The following SMIM24 variants were observed in gnomAD, a reference collection of about 807,000 sequenced individuals.
SMIM24 encodes small integral membrane protein 24.
A neutral mutation model predicts 10.8 loss-of-function variants in SMIM24; 6 were observed. That is an observed-to-expected ratio of 0.55 (90% CI 0.30 to 1.09). The LOEUF (loss-of-function observed/expected upper bound fraction) is 1.09. SMIM24 is among the 50% of genes least tolerant of loss of function. The pLI is 0.06. For synonymous variants in SMIM24, 71 were observed against 62.4 expected (o/e 1.14, Z -0.65); for missense variants, 151 against 153.4 (o/e 0.98, Z 0.08).
At chr19:3,479,105 A>T in intron 1 of SMIM24, 176 bp from the exon 2 acceptor site, 4 of 297,374 alleles carry the variant, frequency 1.3e-5, no homozygotes, top group Non-Finnish European at 2.4e-5. Flanking sequence ...GAGGGTTTAG[A>T]GAGGGGGAGG....
At chr19:3,478,568 G>C in intron 2 of SMIM24, 90 bp from the exon 3 acceptor site, 3 of 1,233,926 alleles carry the variant, frequency 2.4e-6, no homozygotes, top group Non-Finnish European at 2.2e-6. Flanking sequence ...CTCAGCCTCT[G>C]TCCCAACCTC....
intron 2 of SMIM24, 33 bp from the exon 3 acceptor site, chr19:3,478,511 G>A (rs1024118886): frequency 1.6e-5 from 24 of 1,526,942 alleles, no homozygotes; most frequent in African/African-American, 2.8e-5. Context: ...GGAAGGGGGC[G>A]GGAGAGGAGA....
At chr19:3,478,528 G>T in intron 2 of SMIM24, 50 bp from the exon 3 acceptor site, 1 of 1,480,468 alleles carries the variant, frequency 6.8e-7, no homozygotes. Context: ...GAGAAAGGGG[G>T]CGGTAAAGGG....
Position 3,478,401 on chromosome 19 carries a change from C to G in SMIM24, c.239+18G>C. On this transcript the variant is annotated intron_variant, in intron 3 of 3. Transcript: ENST00000215531. Reference sequence around the variant, plus strand: ...AGGAGGGGTTCACACAGACCCCCAGCATCCGCACGCATAGTACCTCTGGTC... The same window carrying G: ...AGGAGGGGTTCACACAGACCCCCAGGATCCGCACGCATAGTACCTCTGGTC... 1 of 1,546,276 alleles carries G rather than the reference C, an allele frequency of 6.5e-7. No individual in the cohort carries two copies. The highest frequency in any genetic ancestry group is 8.7e-7 in the Non-Finnish European group (1 of 1,144,930).
At chr19:3,480,330 G>A (rs1017467420) in intron 1 of SMIM24, 67 bp downstream of exon 1, 92 of 1,347,462 alleles carry the variant, frequency 6.8e-5, no homozygotes, top group Non-Finnish European at 8.7e-5. Flanking sequence ...ATGGAAAATT[G>A]GGAGATGGTG....
intron 1 of SMIM24, among the ~76,000 whole-genome samples, chr19:3,480,118 G>A (rs2082811950): frequency 6.6e-6 from 1 of 151,626 alleles, no homozygotes; most frequent in South Asian, 2.1e-4. Context: ...CGAGCTCAGA[G>A]TGGGGCCGAG....
At chr19:3,478,332 T>A in intron 3 of SMIM24, 87 bp downstream of exon 3, 2 of 1,276,330 alleles carry the variant, frequency 1.6e-6, no homozygotes, top group Non-Finnish European at 2.2e-6. Context: ...TTTGAAGGAT[T>A]CAGGACAGCA....
intron 3 of SMIM24, among the ~76,000 whole-genome samples, chr19:3,478,214 T>A (rs2082801442): frequency 6.6e-6 from 1 of 152,082 alleles, no homozygotes; most frequent in Non-Finnish European, 1.5e-5. Context: ...CTGGGGACAG[T>A]GTCAGGAAGG....
chr19:3,479,080 G>T (rs1301593913), intron 1 of SMIM24, 151 bp from the exon 2 acceptor site: 2 of 613,730 alleles, frequency 3.3e-6, no homozygotes, highest in African/African-American at 1.9e-5. Flanking sequence ...GACCTGGATG[G>T]CGTAGGGGGG....
Position 3,474,863 on chromosome 19 carries a change from C to G in SMIM24, c.373G>C (p.Ala125Pro), listed in dbSNP as rs1166940031. 1.2e-5 allele frequency: 19 copies of G among 1,551,360 alleles called. No individual in the cohort carries two copies. The East Asian group carries it at 3.9e-4, about 32-fold the overall frequency. ...AATCTTCACATGACTGTGCTCTTTG[C>G]TCTCTCATGGTCTCCGGGCTCTTTT... ...EEKEPGDHER[A>P]KSTVM Residue 125 changes from alanine (A) to proline (P), a missense_variant, in exon 4 of 4, where the codon GCA becomes CCA. By Grantham distance (27) the Ala-to-Pro change is conservative. Transcript: ENST00000215531.
chr19:3,477,043 G>C (rs985842879), intron 3 of SMIM24, among the ~76,000 whole-genome samples: 6 of 140,272 alleles, frequency 4.3e-5, no homozygotes, highest in Non-Finnish European at 7.7e-5. Flanking sequence ...GTGGGTGGAT[G>C]GATTGGTGAA....
rs2082786487 is a variant in SMIM24, at chr19:3,474,894, C to G, written c.342G>C (p.Leu114=). 5 of 1,551,548 alleles carry G rather than the reference C, an allele frequency of 3.2e-6. No homozygotes were observed. The highest frequency in any genetic ancestry group is 4.4e-6 in the Non-Finnish European group (5 of 1,147,014). ...KEGESNLGLD[L]EEKEPGDHER... is the part of the protein sequence containing the mutation. ...CATGGTCTCCGGGCTCTTTTTCCTC[C>G]AGATCCAGTCCCAAGTTGCTCTCTC... The change falls in exon 4 of 4, where the codon CTG becomes CTC. Residue 114 remains leucine, a synonymous_variant. Transcript: ENST00000215531.
At chr19:3,476,490 G>A (rs2082792568) in intron 3 of SMIM24, among the ~76,000 whole-genome samples, 1 of 152,038 alleles carries the variant, frequency 6.6e-6, no homozygotes, top group Admixed American at 6.6e-5. Context: ...ATGGAGGATT[G>A]AACAAGGCAG....
chr19:3,474,985 C>G lies in SMIM24; in HGVS notation c.251G>C (p.Arg84Thr). Residue 84 changes from arginine to threonine, a missense_variant, in exon 4 of 4, where the codon AGA (arginine) becomes ACA (threonine). Physicochemically the swap from Arg to Thr is moderately conservative, Grantham distance 71. Transcript: ENST00000215531. ...TTTCTCCTTGGCCTCTTTCTTCTCT[C>G]TCTTGTCTTCACTGTAGGGATACAA... ...NLYQDQSEDK[R>T]EKKEAKEKEE... is the part of the protein sequence containing the mutation. 6.4e-7 allele frequency: 1 copy of G among 1,551,386 alleles called. No homozygotes were observed. Among genetic ancestry groups the G allele is most frequent in the Non-Finnish European group, 8.7e-7 (1 of 1,146,964 alleles).
intron 2 of SMIM24, 59 bp from the exon 3 acceptor site, chr19:3,478,537 G>A: frequency 7.0e-7 from 1 of 1,438,630 alleles, no homozygotes; most frequent in South Asian, 1.3e-5. Context: ...GGCGGTAAAG[G>A]GAAGGAAGCG....
At chr19:3,476,938 G>A (rs1015129454) in intron 3 of SMIM24, among the ~76,000 whole-genome samples, 2 of 151,212 alleles carry the variant, frequency 1.3e-5, no homozygotes, top group South Asian at 4.2e-4. Context: ...TGAATAGATG[G>A]GTGGGTGGAT....
intron 1 of SMIM24, among the ~76,000 whole-genome samples, chr19:3,479,673 A>T (rs2082809236): frequency 7.8e-6 from 1 of 127,960 alleles, no homozygotes; most frequent in Non-Finnish European, 1.6e-5. Flanking sequence ...GGAGGGGCTT[A>T]CAGAGGAGGA....
rs773984461 is a variant in SMIM24 at position 3,478,960 on chromosome 19, G to A, written c.68-31C>T. Reference sequence around the variant, plus strand: ...GGAAGTTGGGGAGGTTCGACTCAGAGGAAGAAAAGGTCAGAAGACCCCCTT... The same window carrying A: ...GGAAGTTGGGGAGGTTCGACTCAGAAGAAGAAAAGGTCAGAAGACCCCCTT... On this transcript the variant is annotated intron_variant, in intron 1 of 3. Transcript: ENST00000215531. The A allele has an allele frequency of 2.6e-5, 39 of 1,524,616 alleles. No homozygotes were observed. The African/African-American group carries it at 5.2e-4, about 21-fold the overall frequency. 94.4% of individuals were successfully genotyped at this position (1,524,616 alleles called of 1,614,324 possible). A position where few individuals can be genotyped will look rare whatever the true frequency, so the allele number is the denominator to read the frequency against.
At chr19:3,479,411 G>A (rs1318075112) in intron 1 of SMIM24, among the ~76,000 whole-genome samples, 1 of 148,650 alleles carries the variant, frequency 6.7e-6, no homozygotes, top group Non-Finnish European at 1.5e-5. Flanking sequence ...AGAGTCTGGG[G>A]GGTTGGGGCT....
Sources: gnomAD v4.1 joint callset for allele counts (sites outside exome capture counted in the v4.1 genomes callset) on GRCh38, gnomAD v4.1.1 for gene constraint, MANE v1.5 for transcripts, NCBI Gene and HGNC (gene_info 2026-07-23, HGNC 2026-07-21) for gene names.